TPD52L1: variants seen among roughly 807,000 people sequenced by gnomAD.
The protein encoded by TPD52L1 is tumor protein D53.
TPD52L1 carries 18 observed loss-of-function variants against 28.7 expected under a neutral mutation model. The ratio of observed to expected loss-of-function variants is 0.63; its 90% CI spans 0.43 to 0.93. The LOEUF (loss-of-function observed/expected upper bound fraction) is 0.93. TPD52L1 is among the 40% of genes least tolerant of loss of function. The pLI, the probability that TPD52L1 is intolerant of heterozygous loss-of-function variation, is 0.00. For missense variants in TPD52L1, 203 were observed against 254.8 expected (o/e 0.80, Z 1.39); for synonymous variants, 75 against 88.8 (o/e 0.84, Z 0.88).
intron 1 of TPD52L1, among the ~76,000 whole-genome samples, chr6:125,163,505 C>T (rs1207733716): frequency 6.8e-6 from 1 of 147,618 alleles, no homozygotes; most frequent in Non-Finnish European, 1.5e-5. Context: ...TTGCTTGAGC[C>T]CAGGAGTTTG....
chr6:125,262,743 T>G (rs1446245852), intron 6 of TPD52L1, 91 bp from the exon 7 acceptor site: 3 of 1,481,446 alleles, frequency 2.0e-6, no homozygotes, highest in Non-Finnish European at 2.7e-6. Flanking sequence ...TTTCTGAATT[T>G]GAAAGTAATC....
At chr6:125,237,157 A>G (rs1188736065) in intron 3 of TPD52L1, among the ~76,000 whole-genome samples, 1 of 152,118 alleles carries the variant, frequency 6.6e-6, no homozygotes, top group Non-Finnish European at 1.5e-5. Flanking sequence ...CACCAGGTGG[A>G]CTTTGGCTTT....
chr6:125,249,955 G>C (rs1325229263), intron 4 of TPD52L1, among the ~76,000 whole-genome samples: 1 of 151,848 alleles, frequency 6.6e-6, no homozygotes, highest in Non-Finnish European at 1.5e-5. Context: ...TTCAGAAGCA[G>C]GTGTGATAAA....
chr6:125,202,702 C>A (rs1377348657), intron 1 of TPD52L1, among the ~76,000 whole-genome samples: 1 of 150,690 alleles, frequency 6.6e-6, no homozygotes, highest in Non-Finnish European at 1.5e-5. Context: ...ATAAGTGAGA[C>A]TGTTTTCCTT....
rs953800626 is a variant in TPD52L1 at position 125,187,398 on chromosome 6, T to C, written c.20-32680T>C. 3.9e-5 allele frequency among the ~76,000 whole-genome samples: 6 copies of C among 152,272 alleles called. No homozygotes were observed. In the East Asian group the frequency reaches 1.2e-3, roughly 29 times the overall value. The stretch of plus-strand genomic sequence containing the variant: ...AGGCAACAGCTAATAAAATTTAAAT[T>C]CTTCTCCTGGAACTAAAATTAGCTT... On this transcript the variant is annotated intron_variant, in intron 1 of 6. Transcript: ENST00000534000.
chr6:125,172,157 TTTTCTTTCTTTCTTTCTTTC>T (rs200343475), intron 1 of TPD52L1, among the ~76,000 whole-genome samples: 17 of 54,008 alleles, frequency 3.1e-4, no homozygotes, highest in African/African-American at 1.4e-3. Flanking sequence ...TCTTTCTTTC[TTTTCTTTCTTTCTTTCTTTC>T]TTTCTTTCTT....
At chr6:125,235,050 C>T (rs796385490) in intron 3 of TPD52L1, among the ~76,000 whole-genome samples, 3 of 151,620 alleles carry the variant, frequency 2.0e-5, no homozygotes, top group African/African-American at 7.3e-5. Flanking sequence ...GCCATGTTCA[C>T]TCCACTGCAC....
intron 5 of TPD52L1, among the ~76,000 whole-genome samples, chr6:125,256,208 G>A (rs1797590065): frequency 6.6e-6 from 1 of 152,266 alleles, no homozygotes; most frequent in East Asian, 1.9e-4. Flanking sequence ...AAAATAGCTG[G>A]ATGTGGTGGT....
intron 5 of TPD52L1, chr6:125,254,032 A>G (rs377652182): frequency 8.3e-6 from 5 of 604,220 alleles, no homozygotes; most frequent in African/African-American, 7.4e-5. Context: ...CCTACTTCAT[A>G]TGGTGTTTGT....
intron 3 of TPD52L1, among the ~76,000 whole-genome samples, chr6:125,246,805 C>G (rs567443383): frequency 2.0e-5 from 3 of 151,824 alleles, no homozygotes; most frequent in East Asian, 3.9e-4. Flanking sequence ...ACAAATTACC[C>G]CCTAGTCACC....
chr6:125,221,539 G>A (rs533507601), intron 2 of TPD52L1, among the ~76,000 whole-genome samples: 6 of 152,168 alleles, frequency 3.9e-5, no homozygotes, highest in African/African-American at 1.2e-4. Context: ...AAAATGCCTC[G>A]ATTTTTATTT....
At chr6:125,253,427 G>A (rs1031565143) in intron 4 of TPD52L1, 1 of 444,478 alleles carries the variant, frequency 2.2e-6, no homozygotes, top group East Asian at 4.1e-5. Flanking sequence ...GGGCTACTGG[G>A]CTCACCTGGG....
At chr6:125,178,966 G>A (rs1741748) in intron 1 of TPD52L1, among the ~76,000 whole-genome samples, 44,126 of 151,972 alleles carry the variant, frequency 0.29, 6,554 homozygotes, top group Admixed American at 0.4. Flanking sequence ...GACTTCCAAA[G>A]GGAAACTTGT....
intron 1 of TPD52L1, among the ~76,000 whole-genome samples, chr6:125,208,536 T>G (rs1240438400): frequency 1.1e-4 from 16 of 152,252 alleles, no homozygotes; most frequent in Admixed American, 1.3e-4. Flanking sequence ...TGCCTTTTTT[T>G]TTTGGCACAC....
intron 3 of TPD52L1, among the ~76,000 whole-genome samples, chr6:125,246,894 T>C (rs1336820860): frequency 6.6e-6 from 1 of 151,884 alleles, no homozygotes; most frequent in African/African-American, 2.4e-5. Context: ...GAACATTTGG[T>C]TTTATGATCT....
At chr6:125,215,772 A>T (rs1255811433) in intron 1 of TPD52L1, among the ~76,000 whole-genome samples, 2 of 142,930 alleles carry the variant, frequency 1.4e-5, no homozygotes, top group African/African-American at 2.4e-5. Context: ...ATGTATTACC[A>T]GTTAAACAGG....
chr6:125,196,138 G>A (rs181327123), intron 1 of TPD52L1, among the ~76,000 whole-genome samples: 14 of 152,314 alleles, frequency 9.2e-5, no homozygotes. Flanking sequence ...TAGGACTTGA[G>A]TGATGCCCTT....
chr6:125,257,665 T>A (rs1409511496), intron 6 of TPD52L1, among the ~76,000 whole-genome samples: 1 of 152,034 alleles, frequency 6.6e-6, no homozygotes, highest in East Asian at 1.9e-4. Context: ...TTAAACTGAG[T>A]CACAAAATGC....
intron 1 of TPD52L1, among the ~76,000 whole-genome samples, chr6:125,219,248 T>C (rs1795071354): frequency 6.6e-6 from 1 of 152,222 alleles, no homozygotes; most frequent in South Asian, 2.1e-4. Context: ...TGAGGGGCCC[T>C]ACCAGGGAAC....
Sources: allele counts gnomAD v4.1 joint callset (sites outside exome capture counted in the v4.1 genomes callset), GRCh38; gene constraint gnomAD v4.1.1; transcripts MANE v1.5; gene names NCBI Gene and HGNC (gene_info 2026-07-23, HGNC 2026-07-21).